PLEKHF1: variants seen among roughly 807,000 people sequenced by gnomAD.
PLEKHF1 encodes the protein pleckstrin homology and FYVE domain containing 1.
A neutral mutation model predicts 4.1 loss-of-function variants in PLEKHF1; 1 was observed. That is an observed-to-expected ratio of 0.24 (90% confidence interval 0.09 to 1.15). PLEKHF1 has a LOEUF of 1.15. PLEKHF1 is among the 50% of genes most tolerant of loss of function. The pLI is 0.52. For synonymous variants in PLEKHF1, 182 were observed against 178.5 expected (o/e 1.02, Z -0.16); for missense variants, 429 against 400.6 (o/e 1.07, Z -0.60).
At position 29,674,353 on chromosome 19, in the gene PLEKHF1, C is replaced by T. The variant is rs1036053013; in HGVS notation, c.514C>T (p.Arg172Cys). ...GACGCGCTTCTCTGCCCTCACGAGG[C>T]GCCACCACTGCCGCAAGTGCGGCTT... ...TQTRFSALTR[R>C]HHCRKCGFVV... Residue 172 changes from arginine to cysteine, a missense_variant, in exon 2 of 2, where the codon CGC (arginine) becomes TGC (cysteine). Coordinates refer to ENST00000436066, the MANE Select transcript of PLEKHF1 (RefSeq NM_024310.5). 17 of 1,548,250 alleles carry T rather than the reference C, an allele frequency of 1.1e-5. No individual in the cohort carries two copies. The highest frequency in any genetic ancestry group is 1.7e-4 in the Middle Eastern group (1 of 6,014).
rs920973822 is a variant in PLEKHF1, at chr19:29,665,514, C to T, written c.-17+9C>T. On this transcript the variant is annotated intron_variant, in intron 1 of 1. Transcript: ENST00000436066. ...CGGGGCCGGCGCAGAAGGTGAGTCC[C>T]CCCACCGTCCCCCGGCCGGGCTGCG... is the stretch of plus-strand genomic sequence containing the variant. 11 of 1,230,484 alleles carry T rather than the reference C, an allele frequency of 8.9e-6. No homozygotes were observed. In the Admixed American group the frequency reaches 1.8e-4, roughly 20 times the overall value. The allele number at this position is 1,230,484 out of a possible 1,614,324, so 76.2% of individuals were successfully genotyped here.
chr19:29,671,362 C>G lies in PLEKHF1; in HGVS notation c.-16-2462C>G, dbSNP rs1971630240. 6.6e-6 allele frequency among the ~76,000 whole-genome samples: 1 copy of G among 152,194 alleles called. No individual in the cohort carries two copies. Among genetic ancestry groups the G allele is most frequent in the African/African-American group, 2.4e-5 (1 of 41,448 alleles). On this transcript the variant is annotated intron_variant, in intron 1 of 1. Transcript: ENST00000436066. The surrounding 1 kb of genome is among the most constrained non-coding windows in gnomAD (Gnocchi z 4.0). ...GTGGTGTCACTTTACATACAACATT[C>G]TACAGGCTGTGTTTTTCCACTCCAC...
Position 29,674,911 on chromosome 19 carries a change from T to C in PLEKHF1, c.*232T>C. 2 of 618,954 alleles carry C rather than the reference T, an allele frequency of 3.2e-6. No homozygotes were observed. Among genetic ancestry groups the C allele is most frequent in the Admixed American group, 6.7e-5 (2 of 29,912 alleles). The allele number at this position is 618,954 out of a possible 1,614,324, so 38.3% of individuals were successfully genotyped here. A position where few individuals can be genotyped will look rare whatever the true frequency, so the allele number is the denominator to read the frequency against. ...GGAAGCCCCAGAACACCCACAGGTC[T>C]TGGTAACAAACGCCACCTTACACTC... is the stretch of plus-strand genomic sequence containing the variant. On this transcript the variant is annotated 3_prime_UTR_variant, in exon 2 of 2. Coordinates refer to ENST00000436066, the MANE Select transcript of PLEKHF1 (RefSeq NM_024310.5).
rs1389034199 is a variant in PLEKHF1, at chr19:29,674,421, G to A, written c.582G>A (p.Pro194=). The change falls in exon 2 of 2, where the codon CCG becomes CCA. Residue 194 remains proline (P), a synonymous_variant. Coordinates refer to ENST00000436066, the MANE Select transcript of PLEKHF1 (RefSeq NM_024310.5). ...AECSRQRFLL[P]RLSPKPVRVC... ...GCTCGCGCCAGCGCTTCCTGCTCCC[G>A]CGCCTGTCCCCCAAGCCCGTGCGCG... is the stretch of plus-strand genomic sequence containing the variant. 3 of 1,529,778 alleles carry A rather than the reference G, an allele frequency of 2.0e-6. No individual in the cohort carries two copies. The highest frequency in any genetic ancestry group is 2.0e-5 in the Admixed American group (1 of 50,424). 94.8% of individuals were successfully genotyped at this position (1,529,778 alleles called of 1,614,324 possible). A position where few individuals can be genotyped will look rare whatever the true frequency, so the allele number is the denominator to read the frequency against.
At position 29,674,019 on chromosome 19, in the gene PLEKHF1, C is replaced by T. The variant is rs1314470412; in HGVS notation, c.180C>T (p.Asp60=). The T allele has an allele frequency of 6.2e-7, 1 of 1,614,168 alleles. No homozygotes were observed. The highest frequency in any genetic ancestry group is 8.5e-7 in the Non-Finnish European group (1 of 1,180,006). The change falls in exon 2 of 2, where the codon GAC becomes GAT. Residue 60 remains aspartate (D), a synonymous_variant. Coordinates refer to ENST00000436066, the MANE Select transcript of PLEKHF1 (RefSeq NM_024310.5). ...AKPRIFFLFN[D]ILVYGSIVLN... ...CGCGCATCTTCTTCCTCTTTAACGA[C>T]ATCCTGGTGTATGGCAGCATCGTGC...
In PLEKHF1 at chr19:29,665,593, G is replaced by A. The variant is rs559719890; in HGVS notation, c.-17+88G>A. ...CTCCCATCACCACCCCCGGACAAGC[G>A]AGCTCTCTCCCGCCGCGCGGTCTTG... On this transcript the variant is annotated intron_variant, in intron 1 of 1. Coordinates refer to ENST00000436066, the MANE Select transcript of PLEKHF1 (RefSeq NM_024310.5). The A allele has an allele frequency of 1.7e-4, 209 of 1,228,508 alleles. 2 individuals carry two copies. The Admixed American group carries it at 5.8e-3, about 34-fold the overall frequency. 76.1% of individuals were successfully genotyped at this position (1,228,508 alleles called of 1,614,324 possible).
Position 29,674,130 on chromosome 19 carries a change from G to A in PLEKHF1, c.291G>A (p.Lys97=). The A allele has an allele frequency of 1.2e-6, 2 of 1,613,926 alleles. No homozygotes were observed. The highest frequency in any genetic ancestry group is 1.7e-6 in the Non-Finnish European group (2 of 1,180,010). ...TGTTGCCGGAGACGCTGCAGGCCAA[G>A]AACCGCTGGATGATCAAGACGGCCA... is the stretch of plus-strand genomic sequence containing the variant. ...LELLPETLQA[K]NRWMIKTAKK... is the part of the protein sequence containing the mutation. The change falls in exon 2 of 2, where the codon AAG becomes AAA. Residue 97 remains lysine (K), a synonymous_variant. Coordinates refer to ENST00000436066, the MANE Select transcript of PLEKHF1 (RefSeq NM_024310.5).
At chr19:29,668,224 G>A (rs1204178479) in intron 1 of PLEKHF1, among the ~76,000 whole-genome samples, 1 of 152,202 alleles carries the variant, frequency 6.6e-6, no homozygotes, top group East Asian at 1.9e-4. Flanking sequence ...GCCTGCGCTG[G>A]GGTCACCCCT....
chr19:29,667,969 G>A (rs1296944767), intron 1 of PLEKHF1, among the ~76,000 whole-genome samples: 3 of 152,228 alleles, frequency 2.0e-5, no homozygotes, highest in Non-Finnish European at 2.9e-5. Context: ...CAGATTTGGT[G>A]TAGCTCTCCA....
intron 1 of PLEKHF1, among the ~76,000 whole-genome samples, chr19:29,672,658 G>C (rs75893875): frequency 6.6e-6 from 1 of 152,164 alleles, no homozygotes; most frequent in Admixed American, 6.5e-5. Flanking sequence ...TCAAGGATGT[G>C]TCCTAGGTCT....
intron 1 of PLEKHF1, among the ~76,000 whole-genome samples, chr19:29,667,617 AG>A (rs1409037342): frequency 6.6e-6 from 1 of 152,132 alleles, no homozygotes; most frequent in Non-Finnish European, 1.5e-5. Context: ...GAGGCAGAGC[AG>A]TTACAGCCCC....
intron 1 of PLEKHF1, among the ~76,000 whole-genome samples, chr19:29,668,808 T>C (rs917930157): frequency 1.3e-5 from 2 of 151,700 alleles, no homozygotes; most frequent in African/African-American, 4.8e-5. Context: ...ACAGGCAAGG[T>C]CAAACCAGGA....
At chr19:29,670,236 A>G (rs1971615124) in intron 1 of PLEKHF1, among the ~76,000 whole-genome samples, 1 of 152,136 alleles carries the variant, frequency 6.6e-6, no homozygotes, top group Non-Finnish European at 1.5e-5. Flanking sequence ...CTGGCCTCTA[A>G]AACTTTTTAA....
chr19:29,667,755 G>T (rs1208047058), intron 1 of PLEKHF1, among the ~76,000 whole-genome samples: 1 of 152,228 alleles, frequency 6.6e-6, no homozygotes, highest in Non-Finnish European at 1.5e-5. Context: ...CTCCCGTCAG[G>T]ACAGTACCTT....
At chr19:29,667,561 GA>G (rs1204985263) in intron 1 of PLEKHF1, among the ~76,000 whole-genome samples, 1 of 152,182 alleles carries the variant, frequency 6.6e-6, no homozygotes, top group Non-Finnish European at 1.5e-5. Context: ...TTCCCTTGGT[GA>G]CCCTGGCCCT....
rs566469082 is a variant in PLEKHF1 at position 29,674,782 on chromosome 19, G to C, written c.*103G>C. 1.8e-5 allele frequency: 26 copies of C among 1,459,496 alleles called. No homozygotes were observed. The Admixed American group carries it at 3.2e-4, about 18-fold the overall frequency. 90.4% of individuals were successfully genotyped at this position (1,459,496 alleles called of 1,614,324 possible). On this transcript the variant is annotated 3_prime_UTR_variant, in exon 2 of 2. Coordinates refer to ENST00000436066, the MANE Select transcript of PLEKHF1 (RefSeq NM_024310.5). ...CAGGGCTCCGGGACCCCATCCCATG[G>C]TGGCAGGTGCAGCGGTGGGGAGTGG...
At chr19:29,668,977 T>C (rs888851728) in intron 1 of PLEKHF1, among the ~76,000 whole-genome samples, 13 of 152,082 alleles carry the variant, frequency 8.5e-5, no homozygotes, top group African/African-American at 1.2e-4. Flanking sequence ...TGGGGTCAGC[T>C]CTCAGCCCAG....
chr19:29,674,118 G>A lies in PLEKHF1; in HGVS notation c.279G>A (p.Thr93=), dbSNP rs767362022. 1 of 1,613,930 alleles carries A rather than the reference G, an allele frequency of 6.2e-7. No homozygotes were observed. Among genetic ancestry groups the A allele is most frequent in the Non-Finnish European group, 8.5e-7 (1 of 1,180,014 alleles). The change falls in exon 2 of 2, where the codon ACG becomes ACA. Residue 93 remains threonine (T), a synonymous_variant. Transcript: ENST00000436066. ...EEVTLELLPE[T]LQAKNRWMIK... is the part of the protein sequence containing the mutation. ...TCACACTGGAGCTGTTGCCGGAGAC[G>A]CTGCAGGCCAAGAACCGCTGGATGA...
chr19:29,673,391 C>CT (rs5827666), intron 1 of PLEKHF1, among the ~76,000 whole-genome samples: 50,498 of 148,078 alleles, frequency 0.34, 10,267 homozygotes, highest in African/African-American at 0.58. Flanking sequence ...CTCAGTAGCA[C>CT]TTTTTTTTTT....
Sources: allele counts gnomAD v4.1 joint callset (sites outside exome capture counted in the v4.1 genomes callset), GRCh38; gene constraint gnomAD v4.1.1; non-coding constraint Gnocchi (gnomAD v3.1); transcripts MANE v1.5; gene names NCBI Gene and HGNC (gene_info 2026-07-23, HGNC 2026-07-21).